CFAP44: variants seen among roughly 807,000 people sequenced by gnomAD.
CFAP44 encodes cilia- and flagella-associated protein 44.
Under a neutral mutation model 216.2 loss-of-function variants are expected in CFAP44, and 134 were observed. That is an observed-to-expected ratio of 0.62 (90% confidence interval 0.54 to 0.72). CFAP44 has a LOEUF of 0.72. Ranked by LOEUF, CFAP44 falls within the 30% of genes least tolerant of loss-of-function variation. The probability of loss-of-function intolerance (pLI) is 0.00; values close to 1 mark genes in which losing one functional copy is unlikely to be tolerated. For missense variants in CFAP44, 2,035 were observed against 2,182.1 expected, an observed-to-expected ratio of 0.93 and a Z score of 1.34; for synonymous variants, 700 against 727.6, an observed-to-expected ratio of 0.96 and a Z score of 0.61.
intron 7 of CFAP44, among the ~76,000 whole-genome samples, chr3:113,408,487 T>C (rs377128612): frequency 8.0e-4 from 122 of 152,326 alleles, no homozygotes; most frequent in Non-Finnish European, 1.1e-3. Flanking sequence ...AATTTGGAAA[T>C]ACCATCCCAA....
Position 113,327,791 on chromosome 3 carries a change from G to A in CFAP44, c.4145C>T (p.Ala1382Val), listed in dbSNP as rs1366770043. Residue 1382 changes from alanine to valine, a missense_variant, in exon 27 of 35, where the codon GCA (alanine) becomes GTA (valine). This residue lies in a region of CFAP44 where 1,883 missense variants were observed against 2,023.7 expected (regional missense o/e 0.93). Transcript: ENST00000393845. ...CTGATGTCTAAGGAGACGGAGTTCT[G>A]CATCGAAAGTGACAACCAGTTCTTT... Reference protein sequence around the residue: ...RIKELVVTFDAELRLLRHQKL... With the variant: ...RIKELVVTFDVELRLLRHQKL... The A allele has an allele frequency of 6.5e-7, 1 of 1,536,870 alleles. No individual in the cohort carries two copies. Among genetic ancestry groups the A allele is most frequent in the Non-Finnish European group, 8.7e-7 (1 of 1,146,680 alleles).
intron 15 of CFAP44, among the ~76,000 whole-genome samples, chr3:113,393,055 G>T (rs1369952685): frequency 6.6e-6 from 1 of 152,096 alleles, no homozygotes; most frequent in East Asian, 1.9e-4. Context: ...TGTGTACATG[G>T]GACGCACCCT....
chr3:113,365,091 GATT>G (rs1365293391), intron 19 of CFAP44, among the ~76,000 whole-genome samples: 1 of 152,104 alleles, frequency 6.6e-6, no homozygotes, highest in African/African-American at 2.4e-5. Context: ...AAAAGGACAT[GATT>G]ATTGAAATGT....
At chr3:113,306,462 C>T (rs1237449679) in intron 29 of CFAP44, 131 bp from the exon 30 acceptor site, 2 of 1,033,806 alleles carry the variant, frequency 1.9e-6, no homozygotes, top group Non-Finnish European at 1.4e-6. Flanking sequence ...TTTTAAGACA[C>T]TTATGGCTTA....
At chr3:113,421,395 A>ATG (rs368357533) in intron 4 of CFAP44, among the ~76,000 whole-genome samples, 88 of 152,354 alleles carry the variant, frequency 5.8e-4, no homozygotes, top group African/African-American at 2.1e-3. Flanking sequence ...ATCAGTGAGA[A>ATG]TGTAAATCAG....
chr3:113,397,128 C>A (rs1209084779), intron 13 of CFAP44: 2 of 177,438 alleles, frequency 1.1e-5, no homozygotes, highest in Non-Finnish European at 2.4e-5. Flanking sequence ...GAAATGTATT[C>A]TCTGAGAGCA....
At chr3:113,407,936 C>T (rs965179821) in intron 7 of CFAP44, among the ~76,000 whole-genome samples, 1 of 152,118 alleles carries the variant, frequency 6.6e-6, no homozygotes, top group Non-Finnish European at 1.5e-5. Flanking sequence ...TCAATGTCTG[C>T]CTTTTCCCCA....
At chr3:113,379,752 C>T (rs930543870) in intron 16 of CFAP44, among the ~76,000 whole-genome samples, 3 of 152,078 alleles carry the variant, frequency 2.0e-5, no homozygotes, top group Admixed American at 6.5e-5. Context: ...GTTTTACCCC[C>T]ATCAATCTTG....
rs375699329 is a variant in CFAP44 at position 113,320,128 on chromosome 3, A to C, written c.4516+6317T>G. 1.4e-4 allele frequency among the ~76,000 whole-genome samples: 22 copies of C among 152,266 alleles called. No homozygotes were observed. The East Asian group carries it at 2.7e-3, about 19-fold the overall frequency. On this transcript the variant is annotated intron_variant, in intron 28 of 34. Transcript: ENST00000393845. ...AGATAACAATGAAAAAAAGCCCTGC[A>C]TCAGATGAATTCACAGCTGAATTCT...
chr3:113,353,669 AT>A (rs1258376350), intron 22 of CFAP44, among the ~76,000 whole-genome samples: 2 of 152,154 alleles, frequency 1.3e-5, no homozygotes, highest in African/African-American at 4.8e-5. Context: ...CTATTCAGGG[AT>A]TTAATACCTG....
rs1322853658 is a variant in CFAP44 at position 113,341,855 on chromosome 3, G to A, written c.3326C>T (p.Thr1109Ile). The change falls in exon 24 of 35, where the codon ACC (threonine) becomes ATC (isoleucine). Residue 1109 changes from threonine (T) to isoleucine (I), a missense_variant. By Grantham distance (89) the Thr-to-Ile change is moderately conservative (BLOSUM62 -1). This residue lies in a region of CFAP44 where 1,883 missense variants were observed against 2,023.7 expected (regional missense o/e 0.93). Coordinates refer to ENST00000393845, the MANE Select transcript of CFAP44 (RefSeq NM_001164496.2). ...IEKGKKFRPKTLSEIIVENQI... is the reference protein window; with the variant it reads ...IEKGKKFRPKILSEIIVENQI... Reference sequence around the variant, plus strand: ...ATTTTCCACGATGATTTCACTTAGGGTTTTAGGCCGAAATTTCTTCCCTTT... The same window carrying A: ...ATTTTCCACGATGATTTCACTTAGGATTTTAGGCCGAAATTTCTTCCCTTT... 3.3e-6 allele frequency: 5 copies of A among 1,531,860 alleles called. No homozygotes were observed. The highest frequency in any genetic ancestry group is 4.9e-5 in the East Asian group (2 of 40,684). The allele number at this position is 1,531,860 out of a possible 1,614,324, so 94.9% of individuals were successfully genotyped here. A position where few individuals can be genotyped will look rare whatever the true frequency, so the allele number is the denominator to read the frequency against.
chr3:113,300,548 A>T (rs1013242640), intron 32 of CFAP44, among the ~76,000 whole-genome samples: 5 of 151,580 alleles, frequency 3.3e-5, no homozygotes, highest in Non-Finnish European at 7.4e-5. Context: ...AATTATCTTT[A>T]AAAAGCCTCC....
chr3:113,304,082 A>G lies in CFAP44; in HGVS notation c.4911T>C (p.Asp1637=). The G allele has an allele frequency of 2.0e-6, 3 of 1,537,284 alleles. No homozygotes were observed. The highest frequency in any genetic ancestry group is 1.7e-4 in the Middle Eastern group (1 of 5,990). ...TAGAGAAGACCAAAGTACCAGAAAG[A>G]TCGCTAGGTATTTCTCCAAATACCA... ...EYVVFGEIPS[D]LSGTLVFSNH... Residue 1637 remains aspartate (D), a synonymous_variant, in exon 32 of 35, where the codon GAT becomes GAC. Transcript: ENST00000393845.
At chr3:113,435,738 A>AG (rs1445412149) in intron 1 of CFAP44, among the ~76,000 whole-genome samples, 2 of 151,068 alleles carry the variant, frequency 1.3e-5, no homozygotes, top group Non-Finnish European at 3.0e-5. Flanking sequence ...CTAAAATTAA[A>AG]AAAAAAAAAA....
intron 31 of CFAP44, among the ~76,000 whole-genome samples, chr3:113,304,524 T>C (rs1949967194): frequency 1.3e-5 from 2 of 152,208 alleles, no homozygotes; most frequent in South Asian, 4.1e-4. Flanking sequence ...CAAAGGAGAA[T>C]ACAATAAGCC....
intron 33 of CFAP44, 47 bp from the exon 34 acceptor site, chr3:113,294,868 A>T (rs1156878525): frequency 1.0e-5 from 15 of 1,480,060 alleles, no homozygotes; most frequent in Non-Finnish European, 1.3e-5. Flanking sequence ...ATACGAGAAG[A>T]AAGAAAGAAA....
At position 113,289,567 on chromosome 3, in the gene CFAP44, A is replaced by C. The variant is rs922623005; in HGVS notation, c.*1990T>G. On this transcript the variant is annotated 3_prime_UTR_variant, in exon 35 of 35. Coordinates refer to ENST00000393845, the MANE Select transcript of CFAP44 (RefSeq NM_001164496.2). ...GGTATCGCCTCAAGACCTTTCTCAG[A>C]GACCAGCCACTCTCTCCAGGCAGCT... is the stretch of plus-strand genomic sequence containing the variant. 5.3e-5 allele frequency: 8 copies of C among 152,206 alleles called. No individual in the cohort carries two copies. The highest frequency in any genetic ancestry group is 1.9e-4 in the African/African-American group (8 of 41,458). 9.4% of individuals were successfully genotyped at this position (152,206 alleles called of 1,614,324 possible). A position where few individuals can be genotyped will look rare whatever the true frequency, so the allele number is the denominator to read the frequency against.
intron 31 of CFAP44, 185 bp from the exon 32 acceptor site, chr3:113,304,302 C>T: frequency 1.6e-6 from 1 of 608,804 alleles, no homozygotes; most frequent in Non-Finnish European, 2.9e-6. Context: ...AGACAGAAAG[C>T]CACATCACGT....
chr3:113,418,695 GT>G (rs966096652), intron 5 of CFAP44, among the ~76,000 whole-genome samples: 1 of 151,098 alleles, frequency 6.6e-6, no homozygotes, highest in African/African-American at 2.4e-5. Flanking sequence ...ATTAGCTTTT[GT>G]TTTTTTTGTT....
Sources: gnomAD v4.1 joint callset for allele counts (sites outside exome capture counted in the v4.1 genomes callset) on GRCh38, gnomAD v4.1.1 for gene constraint, gnomAD v4.1.1 regional missense constraint, MANE v1.5 for transcripts, NCBI Gene and HGNC (gene_info 2026-07-23, HGNC 2026-07-21) for gene names.